GUCY1B1: variants seen among roughly 807,000 people sequenced by gnomAD.
GUCY1B1 encodes guanylate cyclase 1 soluble subunit beta 1.
GUCY1B1 carries 43 observed loss-of-function variants against 71.0 expected under a neutral mutation model. The observed-to-expected ratio is 0.61, with a 90% CI of 0.47 to 0.78. The LOEUF (loss-of-function observed/expected upper bound fraction) is 0.78, where lower values mean the gene tolerates loss of function less well. GUCY1B1 is among the 30% of genes least tolerant of loss of function. GUCY1B1 has a pLI of 0.00. For missense variants in GUCY1B1, 535 were observed against 754.1 expected (o/e 0.71, Z 3.40); for synonymous variants, 266 against 259.7 (o/e 1.02, Z -0.23).
chr4:155,785,375 T>C (rs1019124436), intron 4 of GUCY1B1: 1 of 845,918 alleles, frequency 1.2e-6, no homozygotes, highest in Non-Finnish European at 1.9e-6. Context: ...TTCATACATA[T>C]GGACATACTT....
In GUCY1B1 at chr4:155,795,382, G is replaced by C; in HGVS notation, c.768G>C (p.Leu256=). 1 of 1,610,650 alleles carries C rather than the reference G, an allele frequency of 6.2e-7. No homozygotes were observed. The highest frequency in any genetic ancestry group is 8.5e-7 in the Non-Finnish European group (1 of 1,177,482). The change falls in exon 7 of 14, where the codon CTG becomes CTC. Residue 256 remains leucine, a synonymous_variant. Coordinates refer to ENST00000264424, the MANE Select transcript of GUCY1B1 (RefSeq NM_000857.5). The part of the protein sequence containing the change: ...GNCSLLSVFS[L]VRPHIDISFH... ...GCAGCCTTCTGTCTGTCTTCTCGCTGGTTCGTCCTCATATTGATATTAGTT... is the reference window on the plus strand; with the variant it reads ...GCAGCCTTCTGTCTGTCTTCTCGCTCGTTCGTCCTCATATTGATATTAGTT...
rs149979211 is a variant in GUCY1B1 at position 155,793,137 on chromosome 4, A to G, written c.496-719A>G. Among the ~76,000 whole-genome samples, 522 of 152,152 alleles carry G rather than the reference A, an allele frequency of 3.4e-3. 2 individuals are homozygous for G. The highest frequency in any genetic ancestry group is 0.017 in the Middle Eastern group (5 of 294). On this transcript the variant is annotated intron_variant, in intron 5 of 13. Transcript: ENST00000264424. ...GTCGCCCAGGCTGGAATGCAATGGC[A>G]TGATCTCGTCTCACTACAACCTCTG...
At chr4:155,791,305 CG>C (rs1392692024) in intron 5 of GUCY1B1, among the ~76,000 whole-genome samples, 1 of 150,796 alleles carries the variant, frequency 6.6e-6, no homozygotes, top group Admixed American at 6.6e-5. Context: ...TTAGTAGAGA[CG>C]GGGTTTCACC....
rs763374854 is a variant in GUCY1B1, at chr4:155,802,609, C to T, written c.1413+30C>T. On this transcript the variant is annotated intron_variant, in intron 10 of 13. Coordinates refer to ENST00000264424, the MANE Select transcript of GUCY1B1 (RefSeq NM_000857.5). This position sits in a 1 kb window ranked among gnomAD's most constrained non-coding sequence, Gnocchi z 4.3. ...GTGTTCTTTATCGCTGACTGCAGAGCTATCCAGAGGCTGGCGTTCTGAGAC... is the reference window on the plus strand; with the variant it reads ...GTGTTCTTTATCGCTGACTGCAGAGTTATCCAGAGGCTGGCGTTCTGAGAC... The T allele has an allele frequency of 7.9e-6, 12 of 1,524,394 alleles. No individual in the cohort carries two copies. The highest frequency in any genetic ancestry group is 1.3e-5 in the South Asian group (1 of 75,408). The allele number at this position is 1,524,394 out of a possible 1,614,324, so 94.4% of individuals were successfully genotyped here.
chr4:155,760,182 C>A (rs1736891968), intron 2 of GUCY1B1, among the ~76,000 whole-genome samples: 1 of 152,162 alleles, frequency 6.6e-6, no homozygotes, highest in Non-Finnish European at 1.5e-5. Context: ...GCAGCTCCCA[C>A]GCGTGCAGAG....
intron 13 of GUCY1B1, 83 bp from the exon 14 acceptor site, chr4:155,806,303 A>C: frequency 1.1e-6 from 1 of 874,544 alleles, no homozygotes; most frequent in South Asian, 1.5e-5. Context: ...TCACACTCTC[A>C]TAAAGAGAAA....
intron 9 of GUCY1B1, among the ~76,000 whole-genome samples, chr4:155,801,975 A>G (rs1056936354): frequency 2.0e-5 from 3 of 152,208 alleles, no homozygotes; most frequent in African/African-American, 7.2e-5. Flanking sequence ...AGGTGCTGGT[A>G]ATGACAGTCT....
intron 2 of GUCY1B1, among the ~76,000 whole-genome samples, chr4:155,766,734 T>A (rs1737360944): frequency 6.6e-6 from 1 of 152,160 alleles, no homozygotes; most frequent in Admixed American, 6.5e-5. Flanking sequence ...CTAGATTGGA[T>A]TCAGGACATG....
chr4:155,782,815 C>T (rs1464844993), intron 4 of GUCY1B1, among the ~76,000 whole-genome samples: 3 of 152,162 alleles, frequency 2.0e-5, no homozygotes, highest in East Asian at 1.9e-4. Flanking sequence ...TCTAGAAACC[C>T]AGACACATGA....
chr4:155,761,737 T>TA (rs1183288738), intron 2 of GUCY1B1, among the ~76,000 whole-genome samples: 5 of 152,256 alleles, frequency 3.3e-5, no homozygotes, highest in East Asian at 1.9e-4. Flanking sequence ...CATTCTACTT[T>TA]AAAAAATTAT....
chr4:155,795,402 T>A lies in GUCY1B1; in HGVS notation c.788T>A (p.Ile263Asn). ...TCGCTGGTTCGTCCTCATATTGATA[T>A]TAGTTTCCATGGGATCCTTTCTCAC... is the stretch of plus-strand genomic sequence containing the variant. The part of the protein sequence containing the change: ...VFSLVRPHID[I>N]SFHGILSHIN... The change falls in exon 7 of 14, where the codon ATT (isoleucine) becomes AAT (asparagine). Residue 263 changes from isoleucine to asparagine, a missense_variant. Physicochemically the swap from Ile to Asn is moderately radical, Grantham distance 149. Transcript: ENST00000264424. 1 of 1,609,214 alleles carries A rather than the reference T, an allele frequency of 6.2e-7. No individual in the cohort carries two copies. The highest frequency in any genetic ancestry group is 8.5e-7 in the Non-Finnish European group (1 of 1,175,812).
rs1219039706 is a variant in GUCY1B1 at position 155,803,703 on chromosome 4, A to C, written c.1493A>C (p.His498Pro). The C allele has an allele frequency of 3.7e-6, 6 of 1,603,664 alleles. No individual in the cohort carries two copies. Among genetic ancestry groups the C allele is most frequent in the Non-Finnish European group, 5.1e-6 (6 of 1,174,748 alleles). ...PCIHHARSICHLALDMMEIAG... is the reference protein window; with the variant it reads ...PCIHHARSICPLALDMMEIAG... The stretch of plus-strand genomic sequence containing the variant: ...ATTCACCATGCACGATCCATCTGCC[A>C]CCTGGCCTTGGACATGATGGAAATT... The change falls in exon 11 of 14, where the codon CAC (histidine) becomes CCC (proline). Residue 498 changes from histidine to proline, a missense_variant. Coordinates refer to ENST00000264424, the MANE Select transcript of GUCY1B1 (RefSeq NM_000857.5).
intron 3 of GUCY1B1, among the ~76,000 whole-genome samples, chr4:155,776,626 T>C (rs1271935456): frequency 6.6e-6 from 1 of 151,986 alleles, no homozygotes; most frequent in East Asian, 1.9e-4. Context: ...GCCGAGATCC[T>C]ACCAGTGCAC....
At chr4:155,760,362 T>G (rs1662628950) in intron 2 of GUCY1B1, among the ~76,000 whole-genome samples, 1 of 152,212 alleles carries the variant, frequency 6.6e-6, no homozygotes, top group Admixed American at 6.5e-5. Context: ...TTAAGCGCAT[T>G]TATTCATTTT....
At chr4:155,786,461 C>CTTTTTTTTT (rs70954058) in intron 4 of GUCY1B1, among the ~76,000 whole-genome samples, 2 of 37,150 alleles carry the variant, frequency 5.4e-5, no homozygotes, top group African/African-American at 1.2e-4. Context: ...TTCTTTCTTT[C>CTTTTTTTTT]TTTTTTTTTT....
rs187115468 is a variant in GUCY1B1, at chr4:155,793,878, A to T, written c.518A>T (p.Glu173Val). 1 of 1,516,906 alleles carries T rather than the reference A, an allele frequency of 6.6e-7. No individual in the cohort carries two copies. The highest frequency in any genetic ancestry group is 2.3e-5 in the East Asian group (1 of 44,434). 94.0% of individuals were successfully genotyped at this position (1,516,906 alleles called of 1,614,324 possible). A position where few individuals can be genotyped will look rare whatever the true frequency, so the allele number is the denominator to read the frequency against. Reference protein sequence around the residue: ...DMKVIQQRNEECDHTQFLIEE... With the variant: ...DMKVIQQRNEVCDHTQFLIEE... The stretch of plus-strand genomic sequence containing the variant: ...CAGGTTATTCAGCAAAGAAATGAAG[A>T]ATGTGATCATACTCAATTTTTAATT... Residue 173 changes from glutamate (E) to valine (V), a missense_variant, in exon 6 of 14, where the codon GAA becomes GTA. Physicochemically the swap from Glu to Val is moderately radical, Grantham distance 121. Coordinates refer to ENST00000264424, the MANE Select transcript of GUCY1B1 (RefSeq NM_000857.5).
At position 155,759,919 on chromosome 4, in the gene GUCY1B1, C is replaced by G. The variant is rs906004188; in HGVS notation, c.77+59C>G. 4.8e-6 allele frequency: 6 copies of G among 1,255,584 alleles called. No homozygotes were observed. In the Admixed American group the frequency reaches 6.9e-5, roughly 14 times the overall value. 77.8% of individuals were successfully genotyped at this position (1,255,584 alleles called of 1,614,324 possible). A position where few individuals can be genotyped will look rare whatever the true frequency, so the allele number is the denominator to read the frequency against. On this transcript the variant is annotated intron_variant, in intron 2 of 13. Transcript: ENST00000264424. ...TCGGCGCCCAGTGTGGGAGGCCCCC[C>G]GCGCCTCGCCTGGTCCTCAGCCTGC...
intron 12 of GUCY1B1, 87 bp from the exon 13 acceptor site, chr4:155,805,016 C>A: frequency 8.6e-7 from 1 of 1,162,548 alleles, no homozygotes; most frequent in Non-Finnish European, 1.2e-6. Flanking sequence ...TTGTTCTTGC[C>A]ATCTTGGTTT....
Position 155,766,561 on chromosome 4 carries a change from T to C in GUCY1B1, c.77+6701T>C, listed in dbSNP as rs1017036647. On this transcript the variant is annotated intron_variant, in intron 2 of 13. Coordinates refer to ENST00000264424, the MANE Select transcript of GUCY1B1 (RefSeq NM_000857.5). ...ATTGCTGTGCCAAATAAACATTTCT[T>C]ATATCAGCAAAGGCAGAAGATAGAG... Among the ~76,000 whole-genome samples, 8 of 152,308 alleles carry C rather than the reference T, an allele frequency of 5.3e-5. No individual in the cohort carries two copies. In the South Asian group the frequency reaches 1.2e-3, roughly 24 times the overall value.
Sources: allele counts gnomAD v4.1 joint callset (sites outside exome capture counted in the v4.1 genomes callset), GRCh38; gene constraint gnomAD v4.1.1; non-coding constraint Gnocchi (gnomAD v3.1); transcripts MANE v1.5; gene names NCBI Gene and HGNC (gene_info 2026-07-23, HGNC 2026-07-21).